The following KIRREL3 variants were observed in gnomAD, a reference collection of about 807,000 sequenced individuals.
KIRREL3 encodes kin of IRRE-like protein 3.
In KIRREL3, 36 loss-of-function variants were observed where a neutral mutation model predicts 89.7. That is an observed-to-expected ratio of 0.40 (90% CI 0.31 to 0.53). The LOEUF is 0.53. Ranked by LOEUF, KIRREL3 falls within the 20% of genes least tolerant of loss-of-function variation. KIRREL3 has a pLI of 0.49. For synonymous variants in KIRREL3, 445 were observed against 441.4 expected (o/e 1.01, Z -0.10); for missense variants, 864 against 1,056.6 (o/e 0.82, Z 2.53).
At position 126,780,149 on chromosome 11, in the gene KIRREL3, C is replaced by CA. The variant is rs1565725515; in HGVS notation, c.56-217238dup. On this transcript the variant is annotated intron_variant, in intron 1 of 16. Transcript: ENST00000525144. The surrounding 1 kb of genome is among the most constrained non-coding windows in gnomAD (Gnocchi z 5.3). ...TGGACATGGAAGCACAGGGGAGAGA[C>CA]AAGCGGGGAGAAATTCAGGTTCAAT... Among the ~76,000 whole-genome samples the CA allele has an allele frequency of 1.3e-5, 2 of 152,018 alleles. No individual in the cohort carries two copies. Among genetic ancestry groups the CA allele is most frequent in the African/African-American group, 4.8e-5 (2 of 41,378 alleles).
rs1957060942 is a variant in KIRREL3, at chr11:126,476,277, G to A, written c.434-2811C>T. Among the ~76,000 whole-genome samples the A allele has an allele frequency of 6.6e-6, 1 of 152,170 alleles. No individual in the cohort carries two copies. Among genetic ancestry groups the A allele is most frequent in the South Asian group, 2.1e-4 (1 of 4,826 alleles). On this transcript the variant is annotated intron_variant, in intron 4 of 16. Transcript: ENST00000525144. The surrounding 1 kb of genome is among the most constrained non-coding windows in gnomAD (Gnocchi z 6.4). Reference sequence around the variant, plus strand: ...GGGACCCCAGGCATCAGGACTTTGGGGAGCTCCCCAGGGGGTCCCATGGCA... The same window carrying A: ...GGGACCCCAGGCATCAGGACTTTGGAGAGCTCCCCAGGGGGTCCCATGGCA...
chr11:126,967,075 G>A (rs573368994), intron 1 of KIRREL3, among the ~76,000 whole-genome samples: 1 of 152,234 alleles, frequency 6.6e-6, no homozygotes, highest in African/African-American at 2.4e-5. Flanking sequence ...ACTTTCAAAA[G>A]CCATTAGAAA....
At chr11:126,816,565 A>C (rs1014211757) in intron 1 of KIRREL3, among the ~76,000 whole-genome samples, 2 of 152,200 alleles carry the variant, frequency 1.3e-5, no homozygotes, top group African/African-American at 4.8e-5. Context: ...CTATGTTTCC[A>C]TTTTATAATC....
chr11:126,445,169 A>G, intron 9 of KIRREL3, 64 bp from the exon 10 acceptor site: 1 of 1,585,752 alleles, frequency 6.3e-7, no homozygotes, highest in Non-Finnish European at 8.6e-7. Flanking sequence ...GTCTCTGGGA[A>G]CAAGGCAGCT....
chr11:126,599,141 A>G (rs1380459508), intron 1 of KIRREL3, among the ~76,000 whole-genome samples: 1 of 152,144 alleles, frequency 6.6e-6, no homozygotes, highest in Admixed American at 6.5e-5. Context: ...GCTAAAAGAG[A>G]AGCTTCAAAG....
chr11:126,666,988 T>G lies in KIRREL3; in HGVS notation c.56-104076A>C, dbSNP rs1945692245. Among the ~76,000 whole-genome samples, 1 of 152,210 alleles carries G rather than the reference T, an allele frequency of 6.6e-6. No homozygotes were observed. The highest frequency in any genetic ancestry group is 1.5e-5 in the Non-Finnish European group (1 of 68,046). On this transcript the variant is annotated intron_variant, in intron 1 of 16. Coordinates refer to ENST00000525144, the MANE Select transcript of KIRREL3 (RefSeq NM_032531.4). The surrounding 1 kb of genome is among the most constrained non-coding windows in gnomAD (Gnocchi z 4.2). ...GGAGCCAAGGAAAGGCTTGAGTGACTAGGGGTCTTTTTGAACAAGGCACTT... is the reference window on the plus strand; with the variant it reads ...GGAGCCAAGGAAAGGCTTGAGTGACGAGGGGTCTTTTTGAACAAGGCACTT...
chr11:126,817,190 C>T lies in KIRREL3; in HGVS notation c.55+183265G>A, dbSNP rs546906400. ...AAGCCAAGTGTATAAAACAGCTCAT[C>T]TAAGACCAGAGGAGGCAGAGGGGAT... On this transcript the variant is annotated intron_variant, in intron 1 of 16. Coordinates refer to ENST00000525144, the MANE Select transcript of KIRREL3 (RefSeq NM_032531.4). The surrounding 1 kb of genome is among the most constrained non-coding windows in gnomAD (Gnocchi z 5.7). Among the ~76,000 whole-genome samples the T allele has an allele frequency of 2.6e-4, 39 of 152,284 alleles. No homozygotes were observed. Among genetic ancestry groups the T allele is most frequent in the African/African-American group, 8.7e-4 (36 of 41,550 alleles).
rs1047596854 is a variant in KIRREL3, at chr11:126,655,259, C to T, written c.56-92347G>A. Among the ~76,000 whole-genome samples the T allele has an allele frequency of 3.9e-5, 6 of 152,308 alleles. No homozygotes were observed. The highest frequency in any genetic ancestry group is 3.9e-4 in the East Asian group (2 of 5,184). ...TCAAAGCCTCACCCAGGAGAGCTCT[C>T]GCTGTTGCCTGCTTTTATCTGGAAA... On this transcript the variant is annotated intron_variant, in intron 1 of 16. Transcript: ENST00000525144. This position sits in a 1 kb window ranked among gnomAD's most constrained non-coding sequence, Gnocchi z 5.0.
rs1950160910 is a variant in KIRREL3, at chr11:126,995,608, G to A, written c.55+4847C>T. 3.5e-6 allele frequency: 1 copy of A among 285,340 alleles called. No individual in the cohort carries two copies. The highest frequency in any genetic ancestry group is 6.9e-6 in the Non-Finnish European group (1 of 145,966). The allele number at this position is 285,340 out of a possible 1,614,324, so 17.7% of individuals were successfully genotyped here. On this transcript the variant is annotated intron_variant, in intron 1 of 16. Coordinates refer to ENST00000525144, the MANE Select transcript of KIRREL3 (RefSeq NM_032531.4). This position sits in a 1 kb window ranked among gnomAD's most constrained non-coding sequence, Gnocchi z 6.5. The stretch of plus-strand genomic sequence containing the variant: ...GCCCTCCTCCTCACTCCTCCAGTAT[G>A]GGCAATTTTCTTTTCCTCATCCATG...
chr11:126,546,297 G>T (rs1042840077), intron 2 of KIRREL3, among the ~76,000 whole-genome samples: 1 of 152,232 alleles, frequency 6.6e-6, no homozygotes, highest in Non-Finnish European at 1.5e-5. Context: ...TGGAGGCCCA[G>T]TGAGGTTATG....
rs759682576 is a variant in KIRREL3 at position 126,527,938 on chromosome 11, G to A, written c.134-1251C>T. ...AGTGGACAATGGAACATTGACATTC[G>A]CTGAGCATCTGGCCCACAGTACAAC... On this transcript the variant is annotated intron_variant, in intron 2 of 16. Transcript: ENST00000525144. This position sits in a 1 kb window ranked among gnomAD's most constrained non-coding sequence, Gnocchi z 4.2. 1.3e-4 allele frequency among the ~76,000 whole-genome samples: 20 copies of A among 152,162 alleles called. No homozygotes were observed. Among genetic ancestry groups the A allele is most frequent in the Admixed American group, 2.0e-4 (3 of 15,278 alleles).
rs956716360 is a variant in KIRREL3, at chr11:126,954,360, ATTAT to A, written c.55+46091_55+46094del. On this transcript the variant is annotated intron_variant, in intron 1 of 16. Coordinates refer to ENST00000525144, the MANE Select transcript of KIRREL3 (RefSeq NM_032531.4). This position sits in a 1 kb window ranked among gnomAD's most constrained non-coding sequence, Gnocchi z 4.1. Reference sequence around the variant, plus strand: ...TATTTTGTGCTATTATAGCCGATTGATTATTTATCACTTCAATGAAGAATTTATT... The same window carrying A: ...TATTTTGTGCTATTATAGCCGATTGATTATCACTTCAATGAAGAATTTATT... Among the ~76,000 whole-genome samples, 2 of 151,996 alleles carry A rather than the reference ATTAT, an allele frequency of 1.3e-5. No homozygotes were observed. The highest frequency in any genetic ancestry group is 2.1e-4 in the South Asian group (1 of 4,816).
rs924934312 is a variant in KIRREL3, at chr11:126,537,760, G to A, written c.134-11073C>T. On this transcript the variant is annotated intron_variant, in intron 2 of 16. Coordinates refer to ENST00000525144, the MANE Select transcript of KIRREL3 (RefSeq NM_032531.4). The surrounding 1 kb of genome is among the most constrained non-coding windows in gnomAD (Gnocchi z 4.3). ...TCCCTGGCAAAGCTGCTGTGAGCATGAGAGGTTTTATATGTAAATGATCTT... is the reference window on the plus strand; with the variant it reads ...TCCCTGGCAAAGCTGCTGTGAGCATAAGAGGTTTTATATGTAAATGATCTT... 6.6e-5 allele frequency among the ~76,000 whole-genome samples: 10 copies of A among 152,234 alleles called. No homozygotes were observed. Among genetic ancestry groups the A allele is most frequent in the African/African-American group, 2.4e-4 (10 of 41,468 alleles).
chr11:126,711,804 C>T (rs1189667509), intron 1 of KIRREL3, among the ~76,000 whole-genome samples: 1 of 152,202 alleles, frequency 6.6e-6, no homozygotes, highest in Non-Finnish European at 1.5e-5. Flanking sequence ...CAGCAAAGGG[C>T]TTCTTCAAGC....
chr11:126,517,295 A>G (rs928670750), intron 4 of KIRREL3, among the ~76,000 whole-genome samples: 4 of 152,238 alleles, frequency 2.6e-5, no homozygotes, highest in African/African-American at 9.6e-5. Context: ...CTTGAGCCAA[A>G]GAGGCCCAGT....
chr11:126,599,385 C>T (rs921050705), intron 1 of KIRREL3, among the ~76,000 whole-genome samples: 3 of 152,144 alleles, frequency 2.0e-5, no homozygotes, highest in Admixed American at 6.5e-5. Flanking sequence ...ATTCCATTGC[C>T]TGACTCTTTT....
intron 1 of KIRREL3, among the ~76,000 whole-genome samples, chr11:126,738,253 G>A (rs914689432): frequency 6.6e-6 from 1 of 152,112 alleles, no homozygotes; most frequent in African/African-American, 2.4e-5. Flanking sequence ...TAATCATAGG[G>A]GAGTAGCCTC....
In KIRREL3 at chr11:126,890,341, T is replaced by C. The variant is rs570268945; in HGVS notation, c.55+110114A>G. The stretch of plus-strand genomic sequence containing the variant: ...AGGGCTTGTACTGGCCATGCCAGAG[T>C]CTAGAGGGAAGAGCTTGGGGCTCAG... On this transcript the variant is annotated intron_variant, in intron 1 of 16. Coordinates refer to ENST00000525144, the MANE Select transcript of KIRREL3 (RefSeq NM_032531.4). The surrounding 1 kb of genome is among the most constrained non-coding windows in gnomAD (Gnocchi z 5.1). 3.9e-5 allele frequency among the ~76,000 whole-genome samples: 6 copies of C among 152,124 alleles called. No homozygotes were observed. The South Asian group carries it at 6.2e-4, about 16-fold the overall frequency.
chr11:126,724,507 T>A lies in KIRREL3; in HGVS notation c.56-161595A>T, dbSNP rs1948301633. 6.6e-6 allele frequency among the ~76,000 whole-genome samples: 1 copy of A among 152,168 alleles called. No homozygotes were observed. The highest frequency in any genetic ancestry group is 6.5e-5 in the Admixed American group (1 of 15,276). The stretch of plus-strand genomic sequence containing the variant: ...GCCCTCTCCAAACATCCAGGCAGGA[T>A]CTGGGAGGGACTGCCCTTGAGATGG... On this transcript the variant is annotated intron_variant, in intron 1 of 16. Coordinates refer to ENST00000525144, the MANE Select transcript of KIRREL3 (RefSeq NM_032531.4). The surrounding 1 kb of genome is among the most constrained non-coding windows in gnomAD (Gnocchi z 4.3).
Sources: gnomAD v4.1 joint callset for allele counts (sites outside exome capture counted in the v4.1 genomes callset) on GRCh38, gnomAD v4.1.1 for gene constraint, Gnocchi (gnomAD v3.1) non-coding constraint, MANE v1.5 for transcripts, NCBI Gene and HGNC (gene_info 2026-07-23, HGNC 2026-07-21) for gene names.